DGKK: variants seen among roughly 807,000 people sequenced by gnomAD.
DGKK encodes the protein diacylglycerol kinase kappa.
In DGKK, 35 loss-of-function variants were observed where a neutral mutation model predicts 92.2. The observed-to-expected ratio is 0.38, with a 90% confidence interval of 0.29 to 0.50. The LOEUF (loss-of-function observed/expected upper bound fraction) is 0.50. Ranked by LOEUF, DGKK falls within the 20% of genes least tolerant of loss-of-function variation. DGKK has a pLI of 0.92. For synonymous variants in DGKK, 368 were observed against 360.6 expected, an observed-to-expected ratio of 1.02 and a Z score of -0.23; for missense variants, 910 against 992.2, an observed-to-expected ratio of 0.92 and a Z score of 1.11.
chrX:50,415,925 G>T (rs915753435), intron 4 of DGKK, among the ~76,000 whole-genome samples: 2 of 112,103 alleles, frequency 1.8e-5, no homozygotes. Context: ...TAGGTGAAAT[G>T]AATGTATTTT....
At chrX:50,373,581 G>T (rs1924197041) in intron 25 of DGKK, among the ~76,000 whole-genome samples, 1 of 112,410 alleles carries the variant, frequency 8.9e-6, no homozygotes, top group Non-Finnish European at 1.9e-5. Context: ...GTTGTCTGAG[G>T]CTCAAAGACT....
chrX:50,397,081 CA>C (rs781945097), intron 8 of DGKK, among the ~76,000 whole-genome samples: 1 of 112,003 alleles, frequency 8.9e-6, no homozygotes, highest in East Asian at 2.8e-4. Flanking sequence ...GGCTCAAGGA[CA>C]TAAATTGTAC....
intron 16 of DGKK, 88 bp from the exon 17 acceptor site, chrX:50,384,352 A>G (rs1449279403): frequency 3.3e-6 from 2 of 605,352 alleles, no homozygotes; most frequent in Admixed American, 3.8e-5. Context: ...TTCTCTGTGG[A>G]GGCAGGGTCA....
At position 50,396,697 on chromosome X, in the gene DGKK, C is replaced by T. The variant is rs1924863544; in HGVS notation, c.1412-3362G>A. 2.7e-5 allele frequency among the ~76,000 whole-genome samples: 3 copies of T among 111,078 alleles called. No homozygotes were observed. The South Asian group carries it at 1.2e-3, about 43-fold the overall frequency. On this transcript the variant is annotated intron_variant, in intron 8 of 27. Coordinates refer to ENST00000611977, the MANE Select transcript of DGKK (RefSeq NM_001013742.4). ...GGGCAGCTCCATCTAGTATTTCCCC[C>T]TGAGGAAGAGAATATCTGAATTTCA...
rs1924720521 is a variant in DGKK at position 50,392,325 on chromosome X, T to C, written c.1704+16A>G. On this transcript the variant is annotated intron_variant, in intron 10 of 27. Transcript: ENST00000611977. Reference sequence around the variant, plus strand: ...TCTTTCTAGCAATGGCTAAACTGAGTCATCCAGGGACTTACCTTTTCATGT... The same window carrying C: ...TCTTTCTAGCAATGGCTAAACTGAGCCATCCAGGGACTTACCTTTTCATGT... 3 of 1,168,316 alleles carry C rather than the reference T, an allele frequency of 2.6e-6. No homozygotes were observed. The East Asian group carries it at 8.9e-5, about 35-fold the overall frequency.
chrX:50,370,191 T>G (rs781928362), intron 27 of DGKK, among the ~76,000 whole-genome samples: 106 of 111,966 alleles, frequency 9.5e-4, no homozygotes, highest in African/African-American at 3.3e-3. Flanking sequence ...GCATTTTTGT[T>G]TTCTGTATAT....
intron 1 of DGKK, among the ~76,000 whole-genome samples, chrX:50,456,244 A>G (rs1353836628): frequency 1.8e-5 from 2 of 111,847 alleles, no homozygotes; most frequent in Non-Finnish European, 3.8e-5. Flanking sequence ...AAACAAGTTA[A>G]GGCTTTTCCT....
In DGKK at chrX:50,401,048, G is replaced by A; in HGVS notation, c.1400C>T (p.Pro467Leu). 8.3e-7 allele frequency: 1 copy of A among 1,197,878 alleles called. No individual in the cohort carries two copies. The highest frequency in any genetic ancestry group is 1.1e-6 in the Non-Finnish European group (1 of 888,206). Reference sequence around the variant, plus strand: ...ATTTAACTACTCACCATCGCCTTTGGGGTCGCTTAGAGCAGTGGGAGGAAT... The same window carrying A: ...ATTTAACTACTCACCATCGCCTTTGAGGTCGCTTAGAGCAGTGGGAGGAAT... ...SVIPPTALSD[P>L]KGDGQLVVSS... The change falls in exon 8 of 28, where the codon CCC becomes CTC. Residue 467 changes from proline (P) to leucine (L), a missense_variant. By Grantham distance (98) the Pro-to-Leu change is moderately conservative. Transcript: ENST00000611977.
intron 1 of DGKK, among the ~76,000 whole-genome samples, chrX:50,433,378 A>C (rs924690003): frequency 1.8e-5 from 2 of 111,933 alleles, no homozygotes; most frequent in Non-Finnish European, 3.8e-5. Context: ...AGGCCACCGT[A>C]TTTCAGTTGT....
At chrX:50,447,368 AT>A (rs1276353645) in intron 1 of DGKK, among the ~76,000 whole-genome samples, 1 of 12,870 alleles carries the variant, frequency 7.8e-5, no homozygotes, top group East Asian at 2.8e-3. Flanking sequence ...ATATATATAT[AT>A]TATATATATA....
intron 1 of DGKK, among the ~76,000 whole-genome samples, chrX:50,445,538 G>A (rs782034016): frequency 6.3e-5 from 7 of 111,177 alleles, no homozygotes; most frequent in Non-Finnish European, 1.3e-4. Flanking sequence ...TTAATAGGAA[G>A]TCTTTTCCCT....
intron 1 of DGKK, among the ~76,000 whole-genome samples, chrX:50,435,719 G>C (rs1023756712): frequency 6.4e-5 from 7 of 109,137 alleles, no homozygotes; most frequent in Non-Finnish European, 1.3e-4. Context: ...GTGTGTGTGT[G>C]TATGTGTGTG....
chrX:50,446,832 G>C (rs979105351), intron 1 of DGKK, among the ~76,000 whole-genome samples: 1 of 110,821 alleles, frequency 9.0e-6, no homozygotes, highest in East Asian at 2.8e-4. Context: ...TCTTTCTGCT[G>C]TCTTTCATGC....
At chrX:50,389,822 T>A (rs1418948908) in intron 12 of DGKK, among the ~76,000 whole-genome samples, 2 of 110,729 alleles carry the variant, frequency 1.8e-5, no homozygotes, top group Non-Finnish European at 3.8e-5. Context: ...CTGTTCCATC[T>A]GTGTGGAACA....
chrX:50,437,670 G>A (rs1019772716), intron 1 of DGKK, among the ~76,000 whole-genome samples: 1 of 111,666 alleles, frequency 9.0e-6, no homozygotes, highest in Admixed American at 9.5e-5. Context: ...GAGATCAGTG[G>A]TATTATAACT....
At chrX:50,403,414 GTCTT>G in intron 6 of DGKK, 73 bp downstream of exon 6, 2 of 997,120 alleles carry the variant, frequency 2.0e-6, no homozygotes, top group Non-Finnish European at 2.8e-6. Context: ...TTAGGAAGAA[GTCTT>G]CCTCCCCCTG....
At chrX:50,460,586 T>C (rs1385548504) in intron 1 of DGKK, among the ~76,000 whole-genome samples, 3 of 111,676 alleles carry the variant, frequency 2.7e-5, no homozygotes, top group Non-Finnish European at 5.7e-5. Flanking sequence ...AAACAATAAA[T>C]GCCTATAATG....
chrX:50,385,148 G>A (rs1168093017), intron 15 of DGKK, among the ~76,000 whole-genome samples: 1 of 111,551 alleles, frequency 9.0e-6, no homozygotes, highest in Non-Finnish European at 1.9e-5. Flanking sequence ...TGTGGCTGTG[G>A]ATTGGGGTAT....
At chrX:50,423,651 T>C (rs1447461838) in intron 2 of DGKK, among the ~76,000 whole-genome samples, 1 of 111,538 alleles carries the variant, frequency 9.0e-6, no homozygotes, top group Non-Finnish European at 1.9e-5. Context: ...TTGAGCTAGT[T>C]TTGTGCAGTT....
Sources: gnomAD v4.1 joint callset for allele counts (sites outside exome capture counted in the v4.1 genomes callset) on GRCh38, gnomAD v4.1.1 for gene constraint, MANE v1.5 for transcripts, NCBI Gene and HGNC (gene_info 2026-07-23, HGNC 2026-07-21) for gene names.